The following SEMA3E variants were observed in gnomAD, a reference collection of about 807,000 sequenced individuals.
SEMA3E encodes the protein semaphorin-3E.
SEMA3E carries 49 observed loss-of-function variants against 93.6 expected under a neutral mutation model. The observed-to-expected ratio is 0.52, with a 90% CI of 0.42 to 0.66. The LOEUF is 0.66. Ranked by LOEUF, SEMA3E falls within the 30% of genes least tolerant of loss-of-function variation. The pLI is 0.00. For missense variants in SEMA3E, 906 were observed against 964.8 expected, an observed-to-expected ratio of 0.94 and a Z score of 0.81; for synonymous variants, 363 against 330.7, an observed-to-expected ratio of 1.10 and a Z score of -1.06.
At chr7:83,635,438 C>G (rs1021428985) in intron 1 of SEMA3E, among the ~76,000 whole-genome samples, 1 of 151,200 alleles carries the variant, frequency 6.6e-6, no homozygotes, top group African/African-American at 2.4e-5. Flanking sequence ...TTTTTATTTA[C>G]TCTTTATAAT....
At chr7:83,602,288 C>T (rs987525461) in intron 1 of SEMA3E, among the ~76,000 whole-genome samples, 16 of 152,126 alleles carry the variant, frequency 1.1e-4, no homozygotes, top group African/African-American at 3.9e-4. Context: ...AAGTCATATT[C>T]TCTGTCAGTT....
chr7:83,374,324 A>G (rs1359507693), intron 16 of SEMA3E, among the ~76,000 whole-genome samples: 1 of 152,118 alleles, frequency 6.6e-6, no homozygotes, highest in Non-Finnish European at 1.5e-5. Context: ...AATGTTGGTG[A>G]GCATGTGGGG....
At chr7:83,618,092 A>G (rs1793461634) in intron 1 of SEMA3E, among the ~76,000 whole-genome samples, 1 of 152,124 alleles carries the variant, frequency 6.6e-6, no homozygotes, top group Non-Finnish European at 1.5e-5. Context: ...TGGCACCAGC[A>G]TTGGGAGTGG....
intron 16 of SEMA3E, among the ~76,000 whole-genome samples, chr7:83,378,420 C>G: frequency 6.6e-6 from 1 of 151,878 alleles, no homozygotes; most frequent in East Asian, 1.9e-4. Flanking sequence ...TAAACATGAC[C>G]AAGTCACCTT....
intron 3 of SEMA3E, among the ~76,000 whole-genome samples, chr7:83,468,879 A>C (rs2723011): frequency 6.6e-6 from 1 of 152,006 alleles, no homozygotes; most frequent in African/African-American, 2.4e-5. Context: ...TTTACTAAAC[A>C]ATGTAAAGTG....
In SEMA3E at chr7:83,367,178, G is replaced by A. The variant is rs565377743; in HGVS notation, c.*408C>T. ...TTGTATTCTGCATATCTTACATTGT[G>A]ATGGAAAAGAAAAATTCAGAAATAT... On this transcript the variant is annotated 3_prime_UTR_variant, in exon 17 of 17. Coordinates refer to ENST00000643230, the MANE Select transcript of SEMA3E (RefSeq NM_012431.3). The A allele has an allele frequency of 4.6e-6, 1 of 219,124 alleles. No individual in the cohort carries two copies. Among genetic ancestry groups the A allele is most frequent in the Non-Finnish European group, 9.2e-6 (1 of 109,178 alleles). 13.6% of individuals were successfully genotyped at this position (219,124 alleles called of 1,614,324 possible). A position where few individuals can be genotyped will look rare whatever the true frequency, so the allele number is the denominator to read the frequency against.
chr7:83,514,663 TTTAA>T, intron 1 of SEMA3E, among the ~76,000 whole-genome samples: 1 of 152,188 alleles, frequency 6.6e-6, no homozygotes, highest in Non-Finnish European at 1.5e-5. Context: ...CTTTTCCCTT[TTTAA>T]TTGGAAAGTA....
intron 4 of SEMA3E, among the ~76,000 whole-genome samples, chr7:83,444,745 A>C (rs959584253): frequency 5.4e-5 from 8 of 148,462 alleles, no homozygotes; most frequent in Non-Finnish European, 3.0e-5. Flanking sequence ...GTCTCGGCTC[A>C]CTGCAAACTC....
At chr7:83,628,763 C>T (rs1453296303) in intron 1 of SEMA3E, among the ~76,000 whole-genome samples, 3 of 151,844 alleles carry the variant, frequency 2.0e-5, no homozygotes, top group Non-Finnish European at 2.9e-5. Flanking sequence ...TGTTATTACC[C>T]ACCTTCTGAA....
chr7:83,553,702 A>G (rs1791825240), intron 1 of SEMA3E, among the ~76,000 whole-genome samples: 1 of 152,194 alleles, frequency 6.6e-6, no homozygotes, highest in African/African-American at 2.4e-5. Flanking sequence ...TTTTTGTTCA[A>G]AAATTAACAT....
intron 1 of SEMA3E, among the ~76,000 whole-genome samples, chr7:83,512,134 A>G (rs1211549339): frequency 1.3e-5 from 2 of 152,180 alleles, no homozygotes; most frequent in African/African-American, 4.8e-5. Flanking sequence ...AATTTGTCCA[A>G]AAATGGTTTT....
intron 1 of SEMA3E, among the ~76,000 whole-genome samples, chr7:83,635,816 T>C (rs1372346273): frequency 3.4e-5 from 5 of 148,978 alleles, no homozygotes; most frequent in Admixed American, 2.7e-4. Context: ...GCTGTGCTTT[T>C]AAAATGATAA....
At chr7:83,564,974 G>T (rs1467887756) in intron 1 of SEMA3E, among the ~76,000 whole-genome samples, 1 of 152,064 alleles carries the variant, frequency 6.6e-6, no homozygotes, top group Non-Finnish European at 1.5e-5. Flanking sequence ...AGAAAAGAGA[G>T]AAGAATCAAA....
chr7:83,530,409 A>G (rs1365146321), intron 1 of SEMA3E, among the ~76,000 whole-genome samples: 1 of 152,218 alleles, frequency 6.6e-6, no homozygotes, highest in Non-Finnish European at 1.5e-5. Context: ...AAAAACTTTT[A>G]TTAATGTTAT....
chr7:83,465,180 G>A (rs1789725510), intron 4 of SEMA3E, among the ~76,000 whole-genome samples: 1 of 151,308 alleles, frequency 6.6e-6, no homozygotes, highest in South Asian at 2.1e-4. Context: ...AGCACCTTGC[G>A]ACCCCCACTC....
chr7:83,521,266 C>T (rs994496873), intron 1 of SEMA3E, among the ~76,000 whole-genome samples: 2 of 151,866 alleles, frequency 1.3e-5, no homozygotes, highest in African/African-American at 4.8e-5. Context: ...ACACTTTTAC[C>T]AAGACAAACA....
At chr7:83,427,092 A>G (rs186934507) in intron 4 of SEMA3E, among the ~76,000 whole-genome samples, 9 of 152,280 alleles carry the variant, frequency 5.9e-5, no homozygotes, top group African/African-American at 1.2e-4. Flanking sequence ...TAGTGACAGC[A>G]TGTAATTTGA....
chr7:83,407,190 A>G lies in SEMA3E; in HGVS notation c.720T>C (p.Asp240=). Residue 240 remains aspartate (D), a synonymous_variant, in exon 7 of 17, where the codon GAT becomes GAC. Transcript: ENST00000643230. ...SYMIPDNEDR[D]DNKVYFFFTE... ...TAAAAAAGAAATATACTTTGTTGTC[A>G]TCTCTGTCTTCATTGTCAGGAATCA... 1 of 1,613,464 alleles carries G rather than the reference A, an allele frequency of 6.2e-7. No homozygotes were observed. Among genetic ancestry groups the G allele is most frequent in the Non-Finnish European group, 8.5e-7 (1 of 1,179,728 alleles).
intron 5 of SEMA3E, among the ~76,000 whole-genome samples, chr7:83,415,057 A>G (rs1788514999): frequency 6.6e-6 from 1 of 152,150 alleles, no homozygotes; most frequent in South Asian, 2.1e-4. Flanking sequence ...AAAATGACAC[A>G]TGACATAAAG....
Sources: gnomAD v4.1 joint callset for allele counts (sites outside exome capture counted in the v4.1 genomes callset) on GRCh38, gnomAD v4.1.1 for gene constraint, MANE v1.5 for transcripts, NCBI Gene and HGNC (gene_info 2026-07-23, HGNC 2026-07-21) for gene names.